Variants in CNTN3 observed in about 807,000 individuals in gnomAD.
CNTN3 encodes the protein contactin 3, also known as contactin-3.
Under a neutral mutation model 119.1 loss-of-function variants are expected in CNTN3, and 60 were observed. The ratio of observed to expected loss-of-function variants is 0.50; its 90% CI spans 0.41 to 0.62. The LOEUF is 0.62. CNTN3 is among the 20% of genes least tolerant of loss of function. The pLI, the probability that CNTN3 is intolerant of heterozygous loss-of-function variation, is 0.00. For missense variants in CNTN3, 1,101 were observed against 1,242.4 expected (o/e 0.89, Z 1.71); for synonymous variants, 450 against 438.7 (o/e 1.03, Z -0.32).
At chr3:74,420,587 A>G (rs1449562809) in intron 5 of CNTN3, among the ~76,000 whole-genome samples, 1 of 152,230 alleles carries the variant, frequency 6.6e-6, no homozygotes, top group Non-Finnish European at 1.5e-5. Flanking sequence ...GTGTTAAACA[A>G]TGGGCTGGAA....
chr3:74,556,802 T>C (rs1575827647), intron 1 of CNTN3, among the ~76,000 whole-genome samples: 1 of 152,188 alleles, frequency 6.6e-6, no homozygotes, highest in Non-Finnish European at 1.5e-5. Flanking sequence ...TCAACATTTG[T>C]TATATTTGTC....
chr3:74,424,498 A>AGAGAG (rs1701664839), intron 5 of CNTN3, among the ~76,000 whole-genome samples: 3 of 85,920 alleles, frequency 3.5e-5, no homozygotes, highest in Non-Finnish European at 5.3e-5. Context: ...GAGAGAGAGA[A>AGAGAG]AGAGAGGCAG....
At chr3:74,328,748 C>G (rs187799108) in intron 13 of CNTN3, among the ~76,000 whole-genome samples, 1 of 152,260 alleles carries the variant, frequency 6.6e-6, no homozygotes, top group Admixed American at 6.5e-5. Context: ...GTATTACCCC[C>G]TTTTCCAGCT....
intron 5 of CNTN3, among the ~76,000 whole-genome samples, chr3:74,413,078 A>G (rs6549593): frequency 0.019 from 2,855 of 152,310 alleles, 82 homozygotes; most frequent in African/African-American, 0.064. Flanking sequence ...GGCCATTAAC[A>G]GTTACTTTGG....
At chr3:74,283,356 G>A (rs1199977223) in intron 20 of CNTN3, among the ~76,000 whole-genome samples, 5 of 152,048 alleles carry the variant, frequency 3.3e-5, no homozygotes, top group South Asian at 2.1e-4. Context: ...AACCATGACC[G>A]GAAATTGCTC....
chr3:74,357,288 A>G (rs529650051), intron 11 of CNTN3, among the ~76,000 whole-genome samples: 26 of 148,080 alleles, frequency 1.8e-4, no homozygotes, highest in African/African-American at 6.2e-4. Context: ...TCCAATTATT[A>G]TTATTTTTTT....
chr3:74,314,896 G>A (rs1702791388), intron 13 of CNTN3, among the ~76,000 whole-genome samples: 1 of 152,148 alleles, frequency 6.6e-6, no homozygotes, highest in African/African-American at 2.4e-5. Flanking sequence ...AGTAAAATGA[G>A]GCTGAGACCT....
chr3:74,310,263 C>A (rs1407481455), intron 13 of CNTN3, among the ~76,000 whole-genome samples: 2 of 152,126 alleles, frequency 1.3e-5, no homozygotes, highest in Non-Finnish European at 2.9e-5. Context: ...GAAACTTGAT[C>A]ATGTTATGCC....
intron 1 of CNTN3, among the ~76,000 whole-genome samples, chr3:74,526,262 T>C (rs1459945326): frequency 6.6e-6 from 1 of 151,654 alleles, no homozygotes; most frequent in Non-Finnish European, 1.5e-5. Flanking sequence ...TATAGTAAAA[T>C]ATTCAATTAT....
At chr3:74,406,955 T>A (rs1009932968) in intron 5 of CNTN3, among the ~76,000 whole-genome samples, 1 of 152,142 alleles carries the variant, frequency 6.6e-6, no homozygotes, top group Admixed American at 6.6e-5. Flanking sequence ...TTGTCTATTA[T>A]GCTGAATCTT....
intron 1 of CNTN3, among the ~76,000 whole-genome samples, chr3:74,588,840 A>C (rs547097077): frequency 6.6e-6 from 1 of 152,200 alleles, no homozygotes; most frequent in Non-Finnish European, 1.5e-5. Context: ...AATCTGAGAA[A>C]AACAAGCAAT....
chr3:74,459,776 A>T (rs1046484554), intron 4 of CNTN3, among the ~76,000 whole-genome samples: 4 of 151,946 alleles, frequency 2.6e-5, no homozygotes, highest in African/African-American at 9.7e-5. Context: ...TATGCCTTTT[A>T]TTATTCTCCC....
Position 74,298,064 on chromosome 3 carries a change from T to C in CNTN3, c.2294A>G (p.Asn765Ser). The C allele has an allele frequency of 6.2e-7, 1 of 1,614,118 alleles. No individual in the cohort carries two copies. Among genetic ancestry groups the C allele is most frequent in the Non-Finnish European group, 8.5e-7 (1 of 1,179,966 alleles). ...TGGTGAATATGGCACGATGCTTTCA[T>C]TCCTAAAGACATATCTTGGGGTGTC... ...SPDTPRYVFR[N>S]ESIVPYSPYE... Residue 765 changes from asparagine (N) to serine (S), a missense_variant, in exon 18 of 23, where the codon AAT (asparagine) becomes AGT (serine). Asn to Ser is a conservative substitution (Grantham distance 46). Coordinates refer to ENST00000263665, the MANE Select transcript of CNTN3 (RefSeq NM_020872.3).
chr3:74,559,633 T>C (rs1445000685), intron 1 of CNTN3, among the ~76,000 whole-genome samples: 1 of 150,718 alleles, frequency 6.6e-6, no homozygotes, highest in East Asian at 1.9e-4. Flanking sequence ...AAAAAAGCAG[T>C]ACTGAGCACA....
chr3:74,614,103 C>T (rs1191281267), intron 1 of CNTN3, among the ~76,000 whole-genome samples: 2 of 152,202 alleles, frequency 1.3e-5, no homozygotes, highest in African/African-American at 4.8e-5. Flanking sequence ...GTCAAATCCA[C>T]TGCGCGAAGG....
At chr3:74,528,738 T>C (rs1703654829) in intron 1 of CNTN3, among the ~76,000 whole-genome samples, 2 of 152,078 alleles carry the variant, frequency 1.3e-5, no homozygotes, top group East Asian at 1.9e-4. Flanking sequence ...CCTGATATTT[T>C]ATGTATTTTC....
At chr3:74,374,272 C>T (rs1394628119) in intron 5 of CNTN3, among the ~76,000 whole-genome samples, 3 of 150,592 alleles carry the variant, frequency 2.0e-5, no homozygotes, top group Admixed American at 1.3e-4. Context: ...TGCTCCTTCA[C>T]CTTTTTTCCA....
intron 2 of CNTN3, among the ~76,000 whole-genome samples, chr3:74,502,739 C>A (rs573303108): frequency 6.6e-6 from 1 of 152,196 alleles, no homozygotes; most frequent in African/African-American, 2.4e-5. Context: ...ATAAATGTCA[C>A]CTTCTCAGCT....
chr3:74,313,931 T>A (rs190567442), intron 13 of CNTN3, among the ~76,000 whole-genome samples: 1 of 152,328 alleles, frequency 6.6e-6, no homozygotes, highest in East Asian at 1.9e-4. Context: ...TACAACAGCT[T>A]TGCAAAGCAG....
Sources: allele counts gnomAD v4.1 joint callset (sites outside exome capture counted in the v4.1 genomes callset), GRCh38; gene constraint gnomAD v4.1.1; transcripts MANE v1.5; gene names NCBI Gene and HGNC (gene_info 2026-07-23, HGNC 2026-07-21).